Variants in SCAF1 observed in about 807,000 individuals in gnomAD.
The protein encoded by SCAF1 is splicing factor, arginine/serine-rich 19.
SCAF1 carries 28 observed loss-of-function variants against 91.2 expected under a neutral mutation model. The ratio of observed to expected loss-of-function variants is 0.31; its 90% confidence interval spans 0.23 to 0.42. The LOEUF (loss-of-function observed/expected upper bound fraction) is 0.42, where lower values mean the gene tolerates loss of function less well. Among genes scored for constraint, SCAF1 ranks in the 10% least tolerant of loss-of-function variants. SCAF1 has a pLI of 1.00. For missense variants in SCAF1, 1,893 were observed against 1,872.1 expected, an observed-to-expected ratio of 1.01 and a Z score of -0.21; for synonymous variants, 1,036 against 833.7, an observed-to-expected ratio of 1.24 and a Z score of -4.18.
At position 49,645,531 on chromosome 19, in the gene SCAF1, C is replaced by A; in HGVS notation, c.166+120C>A. ...GCCACCCTTGTGCTGGCATGGGGAG[C>A]CAAAAATGGGCAGACACCCTGTAGC... On this transcript the variant is annotated intron_variant, in intron 3 of 10. Transcript: ENST00000360565. The surrounding 1 kb of genome is among the most constrained non-coding windows in gnomAD (Gnocchi z 4.6). The A allele has an allele frequency of 9.7e-7, 1 of 1,035,942 alleles. No individual in the cohort carries two copies. Among genetic ancestry groups the A allele is most frequent in the Non-Finnish European group, 1.4e-6 (1 of 705,800 alleles). The allele number at this position is 1,035,942 out of a possible 1,614,324, so 64.2% of individuals were successfully genotyped here. A position where few individuals can be genotyped will look rare whatever the true frequency, so the allele number is the denominator to read the frequency against.
At chr19:49,655,813 G>A (rs989394406) in intron 9 of SCAF1, among the ~76,000 whole-genome samples, 5 of 152,188 alleles carry the variant, frequency 3.3e-5, no homozygotes, top group Non-Finnish European at 5.9e-5. Flanking sequence ...TAGGACTACA[G>A]GCACGCGCCA....
At position 49,653,306 on chromosome 19, in the gene SCAF1, G is replaced by T. The variant is rs199828315; in HGVS notation, c.2917G>T (p.Val973Phe). The T allele has an allele frequency of 9.3e-5, 137 of 1,466,188 alleles. No individual in the cohort carries two copies. The highest frequency in any genetic ancestry group is 2.9e-4 in the Admixed American group (11 of 37,704). The allele number at this position is 1,466,188 out of a possible 1,614,324, so 90.8% of individuals were successfully genotyped here. A position where few individuals can be genotyped will look rare whatever the true frequency, so the allele number is the denominator to read the frequency against. ...GTCCGGGGAGGAGCGGGCAGCCAAG[G>T]TTCCTAGCACCCCGCCCCCCAAGGC... ...SWSGEERAAK[V>F]PSTPPPKAAP... The change falls in exon 7 of 11, where the codon GTT (valine) becomes TTT (phenylalanine). Residue 973 changes from valine to phenylalanine, a missense_variant. Physicochemically the swap from Val to Phe is conservative, Grantham distance 50. This residue lies in a region of SCAF1 where 1,436 missense variants were observed against 1,306.8 expected (regional missense o/e 1.10). Transcript: ENST00000360565.
In SCAF1 at chr19:49,653,233, T is replaced by G; in HGVS notation, c.2844T>G (p.Asp948Glu). Residue 948 changes from aspartate to glutamate, a missense_variant, in exon 7 of 11, where the codon GAT (aspartate) becomes GAG (glutamate). Coordinates refer to ENST00000360565, the MANE Select transcript of SCAF1 (RefSeq NM_021228.3). ...TGTCGCTGAAGAAGTCCAAGGCGGA[T>G]AGCTGCAGCCAGGCGGCAGGCACCA... is the stretch of plus-strand genomic sequence containing the variant. The part of the protein sequence containing the change: ...GQVSLKKSKA[D>E]SCSQAAGTKG... 1.3e-6 allele frequency: 2 copies of G among 1,505,022 alleles called. No homozygotes were observed. Among genetic ancestry groups the G allele is most frequent in the Non-Finnish European group, 1.8e-6 (2 of 1,125,918 alleles). The allele number at this position is 1,505,022 out of a possible 1,614,324, so 93.2% of individuals were successfully genotyped here. A position where few individuals can be genotyped will look rare whatever the true frequency, so the allele number is the denominator to read the frequency against.
intron 1 of SCAF1, among the ~76,000 whole-genome samples, chr19:49,644,496 GT>G (rs2122449104): frequency 6.6e-6 from 1 of 152,310 alleles, no homozygotes; most frequent in South Asian, 2.1e-4. Flanking sequence ...TTTGGGGGTG[GT>G]CCTCACCATC....
chr19:49,642,055 T>G (rs538398934), upstream of SCAF1: 181 of 152,368 alleles, frequency 1.2e-3, 2 homozygotes, highest in African/African-American at 4.2e-3. This position sits in a 1 kb window ranked among gnomAD's most constrained non-coding sequence, Gnocchi z 4.0. Flanking sequence ...GCCCCATGTG[T>G]CCCATTGGCT....
Position 49,657,764 on chromosome 19 carries a change from C to T in SCAF1, c.3622C>T (p.Leu1208=). The change falls in exon 10 of 11, where the codon CTG becomes TTG. Residue 1208 remains leucine, a synonymous_variant. Coordinates refer to ENST00000360565, the MANE Select transcript of SCAF1 (RefSeq NM_021228.3). ...CCCGCTGTCGCCACCCCACCAGTAT[C>T]TGAAGAAGCTGCACACGCAGGAGCG... ...SEGRGDTDKY[L]KKLHTQERAV... 3 of 1,600,310 alleles carry T rather than the reference C, an allele frequency of 1.9e-6. No homozygotes were observed. The highest frequency in any genetic ancestry group is 2.3e-5 in the East Asian group (1 of 44,388).
In SCAF1 at chr19:49,658,475, T is replaced by G; in HGVS notation, c.*76T>G. ...TTATGGCTCCACCTCCCCACCTCCC[T>G]CCCCCGTCAGTGGGATGACTGGGGG... On this transcript the variant is annotated 3_prime_UTR_variant, in exon 11 of 11. Coordinates refer to ENST00000360565, the MANE Select transcript of SCAF1 (RefSeq NM_021228.3). 1 of 790,082 alleles carries G rather than the reference T, an allele frequency of 1.3e-6. No homozygotes were observed. Among genetic ancestry groups the G allele is most frequent in the East Asian group, 2.7e-5 (1 of 37,122 alleles). The allele number at this position is 790,082 out of a possible 1,614,324, so 48.9% of individuals were successfully genotyped here. A position where few individuals can be genotyped will look rare whatever the true frequency, so the allele number is the denominator to read the frequency against.
rs750454336 is a variant in SCAF1 at position 49,653,030 on chromosome 19, G to A, written c.2641G>A (p.Glu881Lys). 1.4e-5 allele frequency: 22 copies of A among 1,613,862 alleles called. No individual in the cohort carries two copies. The highest frequency in any genetic ancestry group is 1.9e-5 in the Non-Finnish European group (22 of 1,180,042). ...ESRSPFLKPD[E>K]RAPTEMAKAA... ...TCGCTCCCCCTTCCTCAAACCTGAC[G>A]AGCGGGCCCCCACTGAGATGGCCAA... Residue 881 changes from glutamate (E) to lysine (K), a missense_variant, in exon 7 of 11, where the codon GAG (glutamate) becomes AAG (lysine). Physicochemically the swap from Glu to Lys is moderately conservative, Grantham distance 56 (BLOSUM62 1). This residue lies in a region of SCAF1 where 1,436 missense variants were observed against 1,306.8 expected (regional missense o/e 1.10). Transcript: ENST00000360565.
chr19:49,656,091 C>T (rs532246368), intron 9 of SCAF1, among the ~76,000 whole-genome samples: 9 of 152,360 alleles, frequency 5.9e-5, no homozygotes, highest in East Asian at 3.9e-4. Flanking sequence ...CTGTGTGAGC[C>T]GCAGAGGCGG....
At chr19:49,648,434 T>A (rs1206559426) in intron 6 of SCAF1, among the ~76,000 whole-genome samples, 6 of 151,962 alleles carry the variant, frequency 3.9e-5, no homozygotes, top group South Asian at 2.1e-4. Flanking sequence ...TTTTTTAAAA[T>A]TTTTAATAGA....
At chr19:49,650,419 C>T (rs912648450) in intron 6 of SCAF1, among the ~76,000 whole-genome samples, 1 of 152,178 alleles carries the variant, frequency 6.6e-6, no homozygotes, top group African/African-American at 2.4e-5. Flanking sequence ...TTTCCTGTTT[C>T]TTCTCCCCCC....
Position 49,653,319 on chromosome 19 carries a change from C to A in SCAF1, c.2930C>A (p.Pro977Gln), listed in dbSNP as rs376117071. 1.4e-6 allele frequency: 2 copies of A among 1,465,022 alleles called. No homozygotes were observed. The highest frequency in any genetic ancestry group is 1.8e-6 in the Non-Finnish European group (2 of 1,106,800). The allele number at this position is 1,465,022 out of a possible 1,614,324, so 90.8% of individuals were successfully genotyped here. A position where few individuals can be genotyped will look rare whatever the true frequency, so the allele number is the denominator to read the frequency against. Residue 977 changes from proline (P) to glutamine (Q), a missense_variant, in exon 7 of 11, where the codon CCG becomes CAG. By Grantham distance (76) the Pro-to-Gln change is moderately conservative. This residue lies in a region of SCAF1 where 1,436 missense variants were observed against 1,306.8 expected (regional missense o/e 1.10). Transcript: ENST00000360565. ...EERAAKVPST[P>Q]PPKAAPPPPA... ...CGGGCAGCCAAGGTTCCTAGCACCC[C>A]GCCCCCCAAGGCAGCCCCACCACCC...
At position 49,651,726 on chromosome 19, in the gene SCAF1, TCTTGTCCCTG is replaced by T; in HGVS notation, c.1339_1348del (p.Leu447MetfsTer14). 1 of 1,372,518 alleles carries T rather than the reference TCTTGTCCCTG, an allele frequency of 7.3e-7. No homozygotes were observed. Among genetic ancestry groups the T allele is most frequent in the Non-Finnish European group, 9.3e-7 (1 of 1,073,416 alleles). 85.0% of individuals were successfully genotyped at this position (1,372,518 alleles called of 1,614,324 possible). On this transcript the variant is annotated frameshift_variant, in exon 7 of 11. Transcript: ENST00000360565. LOFTEE classifies it high-confidence loss of function. ...CCGCGGGCCCCCGAGGGGGACGACT[TCTTGTCCCTG>T]CATGCGGAGTCGGACGGCGAGGGCG...
chr19:49,653,328 A>G lies in SCAF1; in HGVS notation c.2939A>G (p.Lys980Arg), dbSNP rs747870151. ...AAKVPSTPPPKAAPPPPALTP... is the reference protein window; with the variant it reads ...AAKVPSTPPPRAAPPPPALTP... Reference sequence around the variant, plus strand: ...AAGGTTCCTAGCACCCCGCCCCCCAAGGCAGCCCCACCACCCCCTGCCCTC... The same window carrying G: ...AAGGTTCCTAGCACCCCGCCCCCCAGGGCAGCCCCACCACCCCCTGCCCTC... Residue 980 changes from lysine (K) to arginine (R), a missense_variant, in exon 7 of 11, where the codon AAG (lysine) becomes AGG (arginine). This residue lies in a region of SCAF1 where 1,436 missense variants were observed against 1,306.8 expected (regional missense o/e 1.10). Coordinates refer to ENST00000360565, the MANE Select transcript of SCAF1 (RefSeq NM_021228.3). 1.4e-6 allele frequency: 2 copies of G among 1,468,404 alleles called. No individual in the cohort carries two copies. Among genetic ancestry groups the G allele is most frequent in the East Asian group, 2.5e-5 (1 of 40,628 alleles). 91.0% of individuals were successfully genotyped at this position (1,468,404 alleles called of 1,614,324 possible). A position where few individuals can be genotyped will look rare whatever the true frequency, so the allele number is the denominator to read the frequency against.
Position 49,645,049 on chromosome 19 carries a change from G to A in SCAF1, c.23G>A (p.Arg8Gln), listed in dbSNP as rs768715882. The change falls in exon 2 of 11, where the codon CGA becomes CAA. Residue 8 changes from arginine to glutamine, a missense_variant. By Grantham distance (43) the Arg-to-Gln change is conservative (BLOSUM62 1). This residue lies in a region of SCAF1 where 270 missense variants were observed against 292.5 expected (regional missense o/e 0.92). Coordinates refer to ENST00000360565, the MANE Select transcript of SCAF1 (RefSeq NM_021228.3). This position sits in a 1 kb window ranked among gnomAD's most constrained non-coding sequence, Gnocchi z 4.6. Reference protein sequence around the residue: MEEEDESRGKTEESGEDR... With the variant: MEEEDESQGKTEESGEDR... ...ACCATGGAGGAAGAAGATGAGTCTC[G>A]AGGGAAGACAGAGGAGTCGGGGGAG... 4 of 1,613,974 alleles carry A rather than the reference G, an allele frequency of 2.5e-6. No individual in the cohort carries two copies. The highest frequency in any genetic ancestry group is 1.1e-5 in the South Asian group (1 of 91,084).
Position 49,643,724 on chromosome 19 carries a change from C to T in SCAF1, c.-6-1297C>T, listed in dbSNP as rs140372759. 2.0e-4 allele frequency among the ~76,000 whole-genome samples: 31 copies of T among 152,266 alleles called. No homozygotes were observed. The East Asian group carries it at 3.5e-3, about 17-fold the overall frequency. ...CTGTTGTAGGTAGCATGTGCTTCCC[C>T]GGGAGGTGCTGGAGAGCAGTTCCAG... On this transcript the variant is annotated intron_variant, in intron 1 of 10. Coordinates refer to ENST00000360565, the MANE Select transcript of SCAF1 (RefSeq NM_021228.3).
At position 49,654,804 on chromosome 19, in the gene SCAF1, G is replaced by T; in HGVS notation, c.3552G>T (p.Gly1184=). 1 of 1,612,618 alleles carries T rather than the reference G, an allele frequency of 6.2e-7. No individual in the cohort carries two copies. Residue 1184 remains glycine (G), a synonymous_variant, in exon 9 of 11, where the codon GGG becomes GGT. Transcript: ENST00000360565. Reference sequence around the variant, plus strand: ...GTTCGACCCCCCCCACCCCCACCGGGCTGGCTGCCACGTCTGACAAGAGAG... The same window carrying T: ...GTTCGACCCCCCCCACCCCCACCGGTCTGGCTGCCACGTCTGACAAGAGAG... ...GCGSTPPTPT[G]LAATSDKREG...
chr19:49,643,543 C>T (rs2081038724), intron 1 of SCAF1, among the ~76,000 whole-genome samples: 1 of 152,234 alleles, frequency 6.6e-6, no homozygotes, highest in Non-Finnish European at 1.5e-5. Flanking sequence ...GCAGAGCATT[C>T]TTCTGTTCAG....
Position 49,658,300 on chromosome 19 carries a change from C to G in SCAF1, c.3840C>G (p.His1280Gln), listed in dbSNP as rs575013180. Residue 1280 changes from histidine (H) to glutamine (Q), a missense_variant, in exon 11 of 11, where the codon CAC becomes CAG. Transcript: ENST00000360565. Reference protein sequence around the residue: ...YVQRYRYFRKHGRKPGDPPGP... With the variant: ...YVQRYRYFRKQGRKPGDPPGP... ...AGCGCTACCGCTACTTCCGCAAGCA[C>G]GGTCGCAAGCCAGGGGACCCCCCAG... The G allele has an allele frequency of 6.2e-7, 1 of 1,610,246 alleles. No homozygotes were observed. Among genetic ancestry groups the G allele is most frequent in the Admixed American group, 1.7e-5 (1 of 59,664 alleles).
Sources: gnomAD v4.1 joint callset for allele counts (sites outside exome capture counted in the v4.1 genomes callset) on GRCh38, gnomAD v4.1.1 for gene constraint, gnomAD v4.1.1 regional missense constraint, Gnocchi (gnomAD v3.1) non-coding constraint, MANE v1.5 for transcripts, NCBI Gene and HGNC (gene_info 2026-07-23, HGNC 2026-07-21) for gene names.